DOCK2: variants seen among roughly 807,000 people sequenced by gnomAD.
DOCK2 encodes dedicator of cytokinesis protein 2.
In DOCK2, 87 loss-of-function variants were observed where a neutral mutation model predicts 248.9. That is an observed-to-expected ratio of 0.35 (90% CI 0.29 to 0.42). The LOEUF is 0.42. DOCK2 is among the 10% of genes least tolerant of loss of function. DOCK2 has a pLI of 1.00. For missense variants in DOCK2, 1,747 were observed against 2,300.2 expected (o/e 0.76, Z 4.92); for synonymous variants, 805 against 821.6 (o/e 0.98, Z 0.35).
chr5:169,728,099 G>T (rs1230686668), intron 22 of DOCK2, among the ~76,000 whole-genome samples: 1 of 152,114 alleles, frequency 6.6e-6, no homozygotes, highest in Non-Finnish European at 1.5e-5. Flanking sequence ...ATGTAGGAAT[G>T]GAATTCAAGG....
chr5:169,746,733 A>G (rs1428357477), intron 22 of DOCK2, among the ~76,000 whole-genome samples: 1 of 152,242 alleles, frequency 6.6e-6, no homozygotes, highest in Non-Finnish European at 1.5e-5. Flanking sequence ...GTATATTATT[A>G]TAGGCATTGA....
intron 27 of DOCK2, among the ~76,000 whole-genome samples, chr5:169,850,329 A>T (rs1159007323): frequency 6.6e-6 from 1 of 152,172 alleles, no homozygotes; most frequent in Non-Finnish European, 1.5e-5. Flanking sequence ...TTTGTATCCC[A>T]TCCGAGTCTG....
chr5:170,081,849 GCT>G lies in DOCK2; in HGVS notation c.5299_5300del (p.Val1768GlyfsTer8). ...QSMPTIPALA[L>X]SVAGIPGLDE... is the part of the protein sequence containing the mutation. The stretch of plus-strand genomic sequence containing the variant: ...GCTCTGCTCTCCTTCCAGCCCTGGC[GCT>G]CTCAGTGGCAGGCATCCCTGGGTTG... On this transcript the variant is annotated frameshift_variant, in exon 51 of 52. Transcript: ENST00000520908. LOFTEE classifies it high-confidence loss of function. 1 of 1,611,100 alleles carries G rather than the reference GCT, an allele frequency of 6.2e-7. No homozygotes were observed. The highest frequency in any genetic ancestry group is 1.1e-5 in the South Asian group (1 of 90,900).
At chr5:169,902,801 A>T (rs1288166656) in intron 27 of DOCK2, among the ~76,000 whole-genome samples, 1 of 152,212 alleles carries the variant, frequency 6.6e-6, no homozygotes, top group East Asian at 1.9e-4. Context: ...TGAGGGAGAC[A>T]TAAAAGAAAG....
chr5:169,789,609 T>C (rs915603522), intron 25 of DOCK2, among the ~76,000 whole-genome samples: 6 of 152,242 alleles, frequency 3.9e-5, no homozygotes, highest in Admixed American at 1.3e-4. Context: ...TCCTCTTTTA[T>C]TGCTGTAGAG....
chr5:169,743,419 C>A (rs1003942290), intron 22 of DOCK2, among the ~76,000 whole-genome samples: 2 of 152,198 alleles, frequency 1.3e-5, no homozygotes, highest in African/African-American at 4.8e-5. Flanking sequence ...CAAAATATTC[C>A]TCTTATGCTC....
intron 1 of DOCK2, among the ~76,000 whole-genome samples, chr5:169,642,446 G>A (rs998710208): frequency 6.6e-6 from 1 of 152,182 alleles, no homozygotes; most frequent in African/African-American, 2.4e-5. Context: ...ATTAGGAATG[G>A]TCTTGAATTA....
chr5:169,686,097 C>T (rs188614199), intron 8 of DOCK2, among the ~76,000 whole-genome samples: 444 of 152,336 alleles, frequency 2.9e-3, no homozygotes, highest in African/African-American at 0.01. Flanking sequence ...TGGTCCCTTA[C>T]GCCCACCTTG....
intron 27 of DOCK2, among the ~76,000 whole-genome samples, chr5:169,846,388 C>T (rs1770305848): frequency 6.6e-6 from 1 of 152,066 alleles, no homozygotes; most frequent in Non-Finnish European, 1.5e-5. Flanking sequence ...AGATCAATTC[C>T]CTGAGCAATG....
At chr5:169,730,506 G>A (rs1762713332) in intron 22 of DOCK2, among the ~76,000 whole-genome samples, 1 of 152,164 alleles carries the variant, frequency 6.6e-6, no homozygotes, top group African/African-American at 2.4e-5. Context: ...GCTCAGAGGG[G>A]ATTTAACTAA....
chr5:169,723,346 A>G (rs771056890), intron 22 of DOCK2, among the ~76,000 whole-genome samples: 2 of 152,162 alleles, frequency 1.3e-5, no homozygotes, highest in Non-Finnish European at 2.9e-5. Context: ...ACAACCTTGG[A>G]CAAATTATTT....
At chr5:169,769,278 T>A (rs10055949) in intron 25 of DOCK2, among the ~76,000 whole-genome samples, 2 of 152,088 alleles carry the variant, frequency 1.3e-5, no homozygotes, top group Non-Finnish European at 2.9e-5. Context: ...TTTTGACGTT[T>A]CCCTCAGTTT....
intron 25 of DOCK2, among the ~76,000 whole-genome samples, chr5:169,797,174 C>T (rs1338917400): frequency 6.6e-6 from 1 of 152,128 alleles, no homozygotes; most frequent in Non-Finnish European, 1.5e-5. Flanking sequence ...CTGGGGGTGT[C>T]CTCACTCTTG....
intron 41 of DOCK2, 135 bp downstream of exon 41, chr5:170,050,532 C>G (rs1756877697): frequency 9.6e-7 from 1 of 1,043,576 alleles, no homozygotes; most frequent in Admixed American, 2.7e-5. Context: ...CAGGAACATG[C>G]AACATGTTCT....
intron 27 of DOCK2, among the ~76,000 whole-genome samples, chr5:169,982,709 CT>C (rs1310390419): frequency 6.6e-6 from 1 of 152,220 alleles, no homozygotes; most frequent in Non-Finnish European, 1.5e-5. Flanking sequence ...CCACCTGATT[CT>C]TTTGATACTG....
intron 44 of DOCK2, among the ~76,000 whole-genome samples, chr5:170,066,265 G>A (rs777669162): frequency 3.3e-5 from 5 of 151,906 alleles, no homozygotes; most frequent in Non-Finnish European, 7.4e-5. Context: ...TTCAGACAAA[G>A]TAGACTTTAA....
intron 27 of DOCK2, among the ~76,000 whole-genome samples, chr5:169,944,439 G>A (rs986597632): frequency 3.3e-5 from 5 of 152,186 alleles, no homozygotes; most frequent in Admixed American, 6.5e-5. Context: ...GGAGCCAGCC[G>A]TGACTCTGGA....
At chr5:169,909,980 AT>A in intron 27 of DOCK2, among the ~76,000 whole-genome samples, 1 of 151,750 alleles carries the variant, frequency 6.6e-6, no homozygotes, top group African/African-American at 2.4e-5. Context: ...CTGCACCAGC[AT>A]TTTTTTTAAT....
chr5:169,857,556 C>T (rs1281047047), intron 27 of DOCK2, among the ~76,000 whole-genome samples: 1 of 152,098 alleles, frequency 6.6e-6, no homozygotes, highest in Non-Finnish European at 1.5e-5. Flanking sequence ...AATAACATTA[C>T]ACTCTCACCT....
Sources: gnomAD v4.1 joint callset for allele counts (sites outside exome capture counted in the v4.1 genomes callset) on GRCh38, gnomAD v4.1.1 for gene constraint, MANE v1.5 for transcripts, NCBI Gene and HGNC (gene_info 2026-07-23, HGNC 2026-07-21) for gene names.